The following PCDH10 variants were observed in gnomAD, a reference collection of about 807,000 sequenced individuals.
PCDH10 encodes protocadherin 10.
Under a neutral mutation model 74.4 loss-of-function variants are expected in PCDH10, and 15 were observed. That is an observed-to-expected ratio of 0.20 (90% CI 0.13 to 0.31). The LOEUF (loss-of-function observed/expected upper bound fraction) is 0.31. PCDH10 is among the 10% of genes least tolerant of loss of function. The probability of loss-of-function intolerance (pLI) is 1.00; values close to 1 mark genes in which losing one functional copy is unlikely to be tolerated. For missense variants in PCDH10, 1,260 were observed against 1,390.2 expected, an observed-to-expected ratio of 0.91 and a Z score of 1.49; for synonymous variants, 619 against 589.8, an observed-to-expected ratio of 1.05 and a Z score of -0.72.
At chr4:133,205,674 T>G (rs978874499) in intron 2 of PCDH10, among the ~76,000 whole-genome samples, 5 of 152,086 alleles carry the variant, frequency 3.3e-5, no homozygotes, top group African/African-American at 1.2e-4. Context: ...TGTCTGTCAA[T>G]TTTCATTACT....
chr4:133,201,161 A>G (rs1560719346), intron 2 of PCDH10, among the ~76,000 whole-genome samples: 1 of 152,212 alleles, frequency 6.6e-6, no homozygotes, highest in Non-Finnish European at 1.5e-5. Context: ...AAATCTGACT[A>G]ACCTGATTTT....
At chr4:133,197,969 TTGTGTGTG>T (rs70957500), downstream of PCDH10, among the ~76,000 whole-genome samples, 11,987 of 144,996 alleles carry the variant, frequency 0.083, 599 homozygotes, top group East Asian at 0.3. Flanking sequence ...TCTCTCAAAA[TTGTGTGTG>T]TGTGTGTGTG....
chr4:133,150,368 C>A lies in PCDH10; in HGVS notation c.228C>A (p.Asn76Lys). The A allele has an allele frequency of 1.9e-6, 3 of 1,613,812 alleles. No homozygotes were observed. Among genetic ancestry groups the A allele is most frequent in the Non-Finnish European group, 2.5e-6 (3 of 1,179,922 alleles). The stretch of plus-strand genomic sequence containing the variant: ...TGGAGACAGGGGTGCTGTACGTGAA[C>A]GAGAAAATAGACCGCGAACAAATCT... ...LNLETGVLYV[N>K]EKIDREQICK... is the part of the protein sequence containing the mutation. The change falls in exon 1 of 5, where the codon AAC becomes AAA. Residue 76 changes from asparagine (N) to lysine (K), a missense_variant. Physicochemically the swap from Asn to Lys is moderately conservative, Grantham distance 94. This residue lies in a region of PCDH10 where 103 missense variants were observed against 91.5 expected (regional missense o/e 1.13). Transcript: ENST00000264360.
intron 3 of PCDH10, among the ~76,000 whole-genome samples, chr4:133,158,364 A>G (rs1452679617): frequency 6.6e-6 from 1 of 152,100 alleles, no homozygotes; most frequent in African/African-American, 2.4e-5. Context: ...AAGCTTAATT[A>G]TAGATTTATT....
intron 3 of PCDH10, among the ~76,000 whole-genome samples, chr4:133,159,515 A>G (rs765044693): frequency 6.6e-6 from 1 of 152,074 alleles, no homozygotes; most frequent in Non-Finnish European, 1.5e-5. Context: ...GTTTGGAATA[A>G]TAGACATTGG....
downstream of PCDH10, among the ~76,000 whole-genome samples, chr4:133,197,970 TGTGTG>T (rs1391332580): frequency 1.7e-3 from 3 of 1,730 alleles, no homozygotes; most frequent in Non-Finnish European, 0.011. Flanking sequence ...CTCTCAAAAT[TGTGTG>T]TGTGTGTGTG....
chr4:133,200,635 A>T (rs1727886375), intron 2 of PCDH10, among the ~76,000 whole-genome samples: 1 of 152,194 alleles, frequency 6.6e-6, no homozygotes, highest in African/African-American at 2.4e-5. Context: ...AGGATAATAG[A>T]ATGTTAATGC....
downstream of PCDH10, among the ~76,000 whole-genome samples, chr4:133,196,173 G>A (rs531003963): frequency 6.6e-6 from 1 of 152,252 alleles, no homozygotes; most frequent in South Asian, 2.1e-4. Flanking sequence ...CAAGACAGGG[G>A]AATTGCAATA....
chr4:133,151,916 C>G lies in PCDH10; in HGVS notation c.1776C>G (p.Arg592=), dbSNP rs114189423. Reference sequence around the variant, plus strand: ...CTCCAGCGCGTGAGGTGCTGCCCCGCTCGGCGGAGCCGGGTTACCTGCTCA... The same window carrying G: ...CTCCAGCGCGTGAGGTGCTGCCCCGGTCGGCGGAGCCGGGTTACCTGCTCA... ...NGTPAREVLP[R]SAEPGYLLTR... Residue 592 remains arginine, a synonymous_variant, in exon 1 of 5, where the codon CGC becomes CGG. Coordinates refer to ENST00000264360, the MANE Select transcript of PCDH10 (RefSeq NM_032961.3). 55 of 1,612,222 alleles carry G rather than the reference C, an allele frequency of 3.4e-5. No homozygotes were observed. In the African/African-American group the frequency reaches 6.5e-4, roughly 19 times the overall value.
chr4:133,150,760 G>A lies in PCDH10; in HGVS notation c.620G>A (p.Gly207Glu), dbSNP rs1341327449. The A allele has an allele frequency of 6.3e-7, 1 of 1,599,140 alleles. No individual in the cohort carries two copies. The highest frequency in any genetic ancestry group is 8.5e-7 in the Non-Finnish European group (1 of 1,172,518). ...HRYVLTAVDG[G>E]GGGGVGEGGG... ...TACGTGCTGACCGCGGTGGACGGAGGAGGTGGGGGAGGAGTAGGAGAAGGA... is the reference window on the plus strand; with the variant it reads ...TACGTGCTGACCGCGGTGGACGGAGAAGGTGGGGGAGGAGTAGGAGAAGGA... The change falls in exon 1 of 5, where the codon GGA (glycine) becomes GAA (glutamate). Residue 207 changes from glycine (G) to glutamate (E), a missense_variant. Physicochemically the swap from Gly to Glu is moderately conservative, Grantham distance 98 (BLOSUM62 -2). This residue lies in a region of PCDH10 where 192 missense variants were observed against 161.2 expected (regional missense o/e 1.19). Transcript: ENST00000264360.
intron 2 of PCDH10, among the ~76,000 whole-genome samples, chr4:133,202,574 C>G (rs531204230): frequency 2.0e-5 from 3 of 152,122 alleles, no homozygotes; most frequent in Admixed American, 2.0e-4. Flanking sequence ...TATTGTGTCT[C>G]TGTGGGGCAA....
chr4:133,154,180 G>A (rs1263466283), intron 1 of PCDH10, 127 bp from the exon 2 acceptor site: 22 of 656,524 alleles, frequency 3.4e-5, no homozygotes, highest in Non-Finnish European at 2.4e-5. Context: ...GAGGTTTTAG[G>A]AGAGCTTGGA....
chr4:133,193,086 A>T lies in PCDH10; in HGVS notation c.*2926A>T, dbSNP rs547433253. The stretch of plus-strand genomic sequence containing the variant: ...GTTTTAGAGCAGTCAAAGTCAAAAA[A>T]AATTTCCTGTGGAAACAGTGTCTTA... On this transcript the variant is annotated 3_prime_UTR_variant, in exon 5 of 5. Transcript: ENST00000264360. The T allele has an allele frequency of 1.3e-5, 2 of 151,828 alleles. No individual in the cohort carries two copies. Among genetic ancestry groups the T allele is most frequent in the South Asian group, 4.1e-4 (2 of 4,826 alleles). 9.4% of individuals were successfully genotyped at this position (151,828 alleles called of 1,614,324 possible).
intron 2 of PCDH10, among the ~76,000 whole-genome samples, chr4:133,207,610 T>C (rs1435416070): frequency 6.6e-6 from 1 of 152,168 alleles, no homozygotes; most frequent in African/African-American, 2.4e-5. Context: ...TAAAAAAAGA[T>C]AAAAATTGTT....
chr4:133,179,568 A>AC (rs1460272338), intron 4 of PCDH10, among the ~76,000 whole-genome samples: 2 of 152,118 alleles, frequency 1.3e-5, no homozygotes, highest in African/African-American at 4.8e-5. Context: ...CATCTGCATG[A>AC]CCGTCTCTTA....
At chr4:133,186,494 A>G (rs1398218663) in intron 4 of PCDH10, among the ~76,000 whole-genome samples, 3 of 152,214 alleles carry the variant, frequency 2.0e-5, no homozygotes, top group Non-Finnish European at 4.4e-5. Flanking sequence ...TCCAAAACAT[A>G]CATAGAATAT....
chr4:133,195,814 A>C (rs898086587), downstream of PCDH10, among the ~76,000 whole-genome samples: 3 of 152,148 alleles, frequency 2.0e-5, no homozygotes, highest in African/African-American at 7.2e-5. Flanking sequence ...GTTCTTTGTG[A>C]AACTTTTTTC....
chr4:133,204,939 G>C (rs1360825517), intron 2 of PCDH10, among the ~76,000 whole-genome samples: 1 of 152,210 alleles, frequency 6.6e-6, no homozygotes, highest in Non-Finnish European at 1.5e-5. Flanking sequence ...GGAACAACCA[G>C]GGACTGTGGG....
intron 4 of PCDH10, among the ~76,000 whole-genome samples, chr4:133,175,574 T>C (rs1341900766): frequency 2.0e-5 from 3 of 152,090 alleles, no homozygotes; most frequent in African/African-American, 7.2e-5. Context: ...CCAAATAAAC[T>C]GAAATACTCT....
Sources: allele counts gnomAD v4.1 joint callset (sites outside exome capture counted in the v4.1 genomes callset), GRCh38; gene constraint gnomAD v4.1.1; regional missense constraint gnomAD v4.1.1; transcripts MANE v1.5; gene names NCBI Gene and HGNC (gene_info 2026-07-23, HGNC 2026-07-21).